CAPN9: variants seen among roughly 807,000 people sequenced by gnomAD.
CAPN9 encodes calpain-9.
Under a neutral mutation model 92.8 loss-of-function variants are expected in CAPN9, and 81 were observed. The observed-to-expected ratio is 0.87, with a 90% confidence interval of 0.73 to 1.05. The LOEUF (loss-of-function observed/expected upper bound fraction) is 1.05. Ranked by LOEUF, CAPN9 falls within the 50% of genes least tolerant of loss-of-function variation. The probability of loss-of-function intolerance (pLI) is 0.00; values close to 1 mark genes in which losing one functional copy is unlikely to be tolerated. For missense variants in CAPN9, 848 were observed against 866.2 expected (o/e 0.98, Z 0.26); for synonymous variants, 304 against 328.0 (o/e 0.93, Z 0.79).
At chr1:230,792,795 C>T (rs1293475345) in intron 16 of CAPN9, 55 bp from the exon 17 acceptor site, 2 of 1,459,170 alleles carry the variant, frequency 1.4e-6, no homozygotes, top group Non-Finnish European at 1.9e-6. Flanking sequence ...TTACTGCCAT[C>T]AGCGATGCCT....
chr1:230,799,954 G>C (rs550628543), intron 19 of CAPN9, among the ~76,000 whole-genome samples: 1 of 152,064 alleles, frequency 6.6e-6, no homozygotes, highest in African/African-American at 2.4e-5. Flanking sequence ...TGAGGCGGGT[G>C]AATCACGAGG....
Position 230,769,180 on chromosome 1 carries a change from A to C in CAPN9, c.706A>C (p.Thr236Pro). 4 of 1,613,468 alleles carry C rather than the reference A, an allele frequency of 2.5e-6. No individual in the cohort carries two copies. Among genetic ancestry groups the C allele is most frequent in the Non-Finnish European group, 3.4e-6 (4 of 1,179,444 alleles). The change falls in exon 6 of 20, where the codon ACC (threonine) becomes CCC (proline). Residue 236 changes from threonine (T) to proline (P), a missense_variant and splice_region_variant. Coordinates refer to ENST00000271971, the MANE Select transcript of CAPN9 (RefSeq NM_006615.3). ...TGACTCTGCTCTTTCCATGTTTTAG[A>C]CCAGAAGTGCTGCAGAATCTGAGGC... Reference protein sequence around the residue: ...RGSLLGCFIDTRSAAESEART... With the variant: ...RGSLLGCFIDPRSAAESEART...
chr1:230,773,969 C>T (rs1472242691), intron 7 of CAPN9, among the ~76,000 whole-genome samples: 2 of 152,212 alleles, frequency 1.3e-5, no homozygotes, highest in Non-Finnish European at 2.9e-5. Flanking sequence ...CCTACCCCTA[C>T]TCTTCCCTGA....
chr1:230,780,629 C>T lies in CAPN9; in HGVS notation c.1402C>T (p.Leu468=), dbSNP rs1667155464. The change falls in exon 11 of 20, where the codon CTG becomes TTG. Residue 468 remains leucine, a synonymous_variant. Transcript: ENST00000271971. The part of the protein sequence containing the change: ...RFKLPPGEYI[L]IPSTFEPHQE... ...CAAGCTGCCCCCTGGGGAGTACATC[C>T]TGATTCCCAGCACTTTTGAGCCCCA... 6.2e-7 allele frequency: 1 copy of T among 1,614,186 alleles called. No homozygotes were observed.
chr1:230,780,612 C>T lies in CAPN9; in HGVS notation c.1385C>T (p.Pro462Leu). Reference protein sequence around the residue: ...LREVSDRFKLPPGEYILIPST... With the variant: ...LREVSDRFKLLPGEYILIPST... ...GAAGTCTCCGACCGGTTCAAGCTGC[C>T]CCCTGGGGAGTACATCCTGATTCCC... The change falls in exon 11 of 20, where the codon CCC (proline) becomes CTC (leucine). Residue 462 changes from proline (P) to leucine (L), a missense_variant. Transcript: ENST00000271971. 1 of 1,614,126 alleles carries T rather than the reference C, an allele frequency of 6.2e-7. No individual in the cohort carries two copies. Among genetic ancestry groups the T allele is most frequent in the Non-Finnish European group, 8.5e-7 (1 of 1,179,994 alleles).
intron 7 of CAPN9, 54 bp from the exon 8 acceptor site, chr1:230,774,500 A>T: frequency 8.6e-7 from 1 of 1,168,536 alleles, no homozygotes; most frequent in Non-Finnish European, 1.3e-6. Flanking sequence ...CATCAAGGCC[A>T]TTGTTGCTCT....
Position 230,767,696 on chromosome 1 carries a change from G to T in CAPN9, c.692G>T (p.Gly231Val). 1 of 1,612,608 alleles carries T rather than the reference G, an allele frequency of 6.2e-7. No individual in the cohort carries two copies. Among genetic ancestry groups the T allele is most frequent in the Non-Finnish European group, 8.5e-7 (1 of 1,179,602 alleles). ...GCTTTGAAGAGAGGCTCCCTGCTGGGCTGCTTCATTGATGTAAGTTGCTCA... is the reference window on the plus strand; with the variant it reads ...GCTTTGAAGAGAGGCTCCCTGCTGGTCTGCTTCATTGATGTAAGTTGCTCA... ...EKALKRGSLL[G>V]CFIDTRSAAE... Residue 231 changes from glycine to valine, a missense_variant, in exon 5 of 20, where the codon GGC becomes GTC. By Grantham distance (109) the Gly-to-Val change is moderately radical. Transcript: ENST00000271971.
chr1:230,747,751 G>A (rs534614422), intron 1 of CAPN9, 42 bp downstream of exon 1: 2 of 1,586,042 alleles, frequency 1.3e-6, no homozygotes, highest in Admixed American at 1.7e-5. Flanking sequence ...ATGAGGCCGA[G>A]GTTCAGCAGC....
At chr1:230,801,479 T>G in intron 19 of CAPN9, 91 bp from the exon 20 acceptor site, 12 of 1,181,846 alleles carry the variant, frequency 1.0e-5, no homozygotes, top group African/African-American at 1.5e-5. Flanking sequence ...AGATCTCCTG[T>G]GATATCAGCA....
Position 230,800,301 on chromosome 1 carries a change from A to C in CAPN9, c.2047-1269A>C, listed in dbSNP as rs966849950. Among the ~76,000 whole-genome samples, 114 of 72,982 alleles carry C rather than the reference A, an allele frequency of 1.6e-3. 3 individuals carry two copies. Among genetic ancestry groups the C allele is most frequent in the Non-Finnish European group, 1.9e-3 (63 of 32,660 alleles). 47.9% of individuals were successfully genotyped at this position (72,982 alleles called of 152,430 possible). A position where few individuals can be genotyped will look rare whatever the true frequency, so the allele number is the denominator to read the frequency against. ...AAGAAAGAAAGAAAGAAAGAAAGAA[A>C]GAAAGGAAAAACAAGAGAGACCCCT... On this transcript the variant is annotated intron_variant, in intron 19 of 19. Coordinates refer to ENST00000271971, the MANE Select transcript of CAPN9 (RefSeq NM_006615.3).
rs1406932021 is a variant in CAPN9 at position 230,791,802 on chromosome 1, A to T, written c.1658-62A>T. 10 of 1,313,402 alleles carry T rather than the reference A, an allele frequency of 7.6e-6. No individual in the cohort carries two copies. The Admixed American group carries it at 1.4e-4, about 18-fold the overall frequency. The allele number at this position is 1,313,402 out of a possible 1,614,324, so 81.4% of individuals were successfully genotyped here. A position where few individuals can be genotyped will look rare whatever the true frequency, so the allele number is the denominator to read the frequency against. On this transcript the variant is annotated intron_variant, in intron 14 of 19. Transcript: ENST00000271971. ...TTAGCCACATTATTGGGCTTTCAGCAGATGGGTACATAGGTTTATCTTATC... is the reference window on the plus strand; with the variant it reads ...TTAGCCACATTATTGGGCTTTCAGCTGATGGGTACATAGGTTTATCTTATC...
Position 230,795,296 on chromosome 1 carries a change from G to C in CAPN9, c.1987+17G>C, listed in dbSNP as rs1214433995. 6.6e-7 allele frequency: 1 copy of C among 1,524,844 alleles called. No individual in the cohort carries two copies. The highest frequency in any genetic ancestry group is 1.1e-5 in the South Asian group (1 of 89,170). The allele number at this position is 1,524,844 out of a possible 1,614,324, so 94.5% of individuals were successfully genotyped here. On this transcript the variant is annotated intron_variant, in intron 18 of 19. Transcript: ENST00000271971. Reference sequence around the variant, plus strand: ...ATGCGAGCCGTAAGTGTCCAGCGAGGCTGAGGGTGCACCTCGGGGTGGCAT... The same window carrying C: ...ATGCGAGCCGTAAGTGTCCAGCGAGCCTGAGGGTGCACCTCGGGGTGGCAT...
chr1:230,760,866 C>T (rs1572024134), intron 3 of CAPN9, among the ~76,000 whole-genome samples: 1 of 137,672 alleles, frequency 7.3e-6, no homozygotes, highest in Admixed American at 8.4e-5. Flanking sequence ...TAAACCAGAA[C>T]CAGAACCAGC....
intron 1 of CAPN9, 124 bp from the exon 2 acceptor site, chr1:230,755,213 G>A (rs1261690363): frequency 4.0e-6 from 3 of 741,602 alleles, no homozygotes; most frequent in Admixed American, 5.6e-5. Context: ...GCCCTCCTCA[G>A]GGAAAAGAAT....
rs539638776 is a variant in CAPN9 at position 230,801,504 on chromosome 1, C to T, written c.2047-66C>T. On this transcript the variant is annotated intron_variant, in intron 19 of 19. Transcript: ENST00000271971. The stretch of plus-strand genomic sequence containing the variant: ...TGATATCAGCAAACTGGGGCCACTC[C>T]TGAGGCTGAGGCTGGAAGGGACATG... The T allele has an allele frequency of 1.6e-5, 24 of 1,537,674 alleles. No homozygotes were observed. The East Asian group carries it at 4.9e-4, about 32-fold the overall frequency.
At chr1:230,788,918 G>A (rs945436287) in intron 13 of CAPN9, among the ~76,000 whole-genome samples, 2 of 152,146 alleles carry the variant, frequency 1.3e-5, no homozygotes, top group African/African-American at 2.4e-5. Flanking sequence ...AGTTTCAGTC[G>A]ACCTTTATTA....
intron 8 of CAPN9, 116 bp downstream of exon 8, chr1:230,774,747 T>TC: frequency 1.5e-6 from 1 of 672,206 alleles, no homozygotes; most frequent in East Asian, 2.9e-5. Context: ...TTCTTTTTTT[T>TC]TTTTTTTTTT....
At chr1:230,779,165 C>T (rs1255420161) in intron 9 of CAPN9, 32 bp downstream of exon 9, 4 of 1,606,222 alleles carry the variant, frequency 2.5e-6, no homozygotes, top group Non-Finnish European at 3.4e-6. Context: ...CTCTCTGCCA[C>T]TCCCAAGTGT....
chr1:230,767,838 G>T, intron 5 of CAPN9, 129 bp downstream of exon 5: 50 of 673,074 alleles, frequency 7.4e-5, no homozygotes, highest in Middle Eastern at 8.7e-4. Context: ...TGGGGGCAGT[G>T]TTTATTCCTG....
Sources: gnomAD v4.1 joint callset for allele counts (sites outside exome capture counted in the v4.1 genomes callset) on GRCh38, gnomAD v4.1.1 for gene constraint, MANE v1.5 for transcripts, NCBI Gene and HGNC (gene_info 2026-07-23, HGNC 2026-07-21) for gene names.